Variants in KCNN2 observed in about 807,000 individuals in gnomAD.
KCNN2 encodes the protein small conductance calcium-activated potassium channel protein 2.
A neutral mutation model predicts 55.5 loss-of-function variants in KCNN2; 24 were observed. The observed-to-expected ratio is 0.43, with a 90% confidence interval of 0.31 to 0.61. KCNN2 has a LOEUF of 0.61. KCNN2 is among the 20% of genes least tolerant of loss of function. The pLI, the probability that KCNN2 is intolerant of heterozygous loss-of-function variation, is 0.08. For missense variants in KCNN2, 754 were observed against 853.6 expected (o/e 0.88, Z 1.45); for synonymous variants, 431 against 336.1 (o/e 1.28, Z -3.09).
chr5:114,384,685 G>A (rs1171411092), intron 2 of KCNN2, among the ~76,000 whole-genome samples: 1 of 152,108 alleles, frequency 6.6e-6, no homozygotes, highest in African/African-American at 2.4e-5. Flanking sequence ...AATTGCATAC[G>A]ACCAGTAGGT....
At chr5:114,312,424 CACACACACACATATATATATATATATAT>C (rs1313599072) in intron 2 of KCNN2, among the ~76,000 whole-genome samples, 2 of 60,232 alleles carry the variant, frequency 3.3e-5, no homozygotes, top group Non-Finnish European at 3.0e-5. Flanking sequence ...CACACACACA[CACACACACACATATATATATATATATAT>C]ATATATATAT....
At chr5:114,288,055 C>G (rs1250384075) in intron 2 of KCNN2, among the ~76,000 whole-genome samples, 2 of 152,194 alleles carry the variant, frequency 1.3e-5, no homozygotes, top group Non-Finnish European at 2.9e-5. Context: ...CAGTAACCTG[C>G]TTTCTGTCAT....
At chr5:114,302,448 A>G (rs1488220168) in intron 2 of KCNN2, among the ~76,000 whole-genome samples, 1 of 152,180 alleles carries the variant, frequency 6.6e-6, no homozygotes, top group African/African-American at 2.4e-5. Context: ...GAAATTCTCC[A>G]TCTAGTAGGA....
chr5:114,077,801 T>A (rs987293896), intron 1 of KCNN2, among the ~76,000 whole-genome samples: 1 of 152,126 alleles, frequency 6.6e-6, no homozygotes, highest in African/African-American at 2.4e-5. Context: ...CTCTGTCCCG[T>A]CTAGGGGAAA....
chr5:114,153,507 C>T (rs1279397276), intron 1 of KCNN2, among the ~76,000 whole-genome samples: 1 of 152,148 alleles, frequency 6.6e-6, no homozygotes, highest in Non-Finnish European at 1.5e-5. Context: ...AAAACTGTAT[C>T]ACTTACAGCA....
At chr5:114,145,987 G>A (rs772713343) in intron 1 of KCNN2, among the ~76,000 whole-genome samples, 13 of 151,970 alleles carry the variant, frequency 8.6e-5, no homozygotes, top group South Asian at 2.1e-4. Flanking sequence ...TCTCTGTCTC[G>A]TTGTTGCATG....
intron 1 of KCNN2, among the ~76,000 whole-genome samples, chr5:114,176,329 T>G (rs945377820): frequency 2.0e-5 from 3 of 152,214 alleles, no homozygotes; most frequent in East Asian, 3.8e-4. Context: ...CATAAGTTTT[T>G]TTTTGGTATT....
intron 3 of KCNN2, chr5:114,433,710 C>G (rs1030744256): frequency 3.3e-5 from 5 of 152,388 alleles, no homozygotes; most frequent in African/African-American, 1.2e-4. Context: ...CCAGATGCAC[C>G]GCCTTAAGAG....
chr5:114,463,595 T>G (rs1761308389), intron 4 of KCNN2, among the ~76,000 whole-genome samples: 1 of 152,308 alleles, frequency 6.6e-6, no homozygotes, highest in Non-Finnish European at 1.5e-5. Context: ...ATATTAATTA[T>G]AATATTTATT....
chr5:114,129,235 A>G lies in KCNN2; in HGVS notation c.-271+72735A>G, dbSNP rs115931282. On this transcript the variant is annotated intron_variant, in intron 1 of 10. Transcript: ENST00000512097. The stretch of plus-strand genomic sequence containing the variant: ...TTAACTCCTGCTGTAGCTTTCCATT[A>G]GCCAAACCCAGCTGGTATCCAAAGT... Among the ~76,000 whole-genome samples the G allele has an allele frequency of 4.2e-3, 633 of 152,322 alleles. 3 individuals are homozygous for G. Among genetic ancestry groups the G allele is most frequent in the Middle Eastern group, 0.024 (7 of 294 alleles).
intron 2 of KCNN2, among the ~76,000 whole-genome samples, chr5:114,381,351 C>T (rs1322599784): frequency 6.6e-6 from 1 of 151,926 alleles, no homozygotes; most frequent in African/African-American, 2.4e-5. Context: ...TTTTTTTTAG[C>T]TGTATTGAAA....
chr5:114,482,910 G>A (rs1278714021), intron 5 of KCNN2, among the ~76,000 whole-genome samples: 1 of 152,114 alleles, frequency 6.6e-6, no homozygotes, highest in Non-Finnish European at 1.5e-5. Context: ...AGAGCATCAG[G>A]AAGAATAGCT....
chr5:114,292,511 G>A (rs1561558365), intron 2 of KCNN2, among the ~76,000 whole-genome samples: 1 of 152,146 alleles, frequency 6.6e-6, no homozygotes, highest in Non-Finnish European at 1.5e-5. Flanking sequence ...TAGATATGTG[G>A]CATTATTTCT....
chr5:114,367,915 T>C (rs1757650079), intron 2 of KCNN2, among the ~76,000 whole-genome samples: 1 of 152,220 alleles, frequency 6.6e-6, no homozygotes, highest in African/African-American at 2.4e-5. Context: ...GCCTGATCTT[T>C]CTGGTTCTCA....
At chr5:114,123,225 G>T (rs1199232631) in intron 1 of KCNN2, among the ~76,000 whole-genome samples, 5 of 152,016 alleles carry the variant, frequency 3.3e-5, no homozygotes, top group African/African-American at 1.2e-4. Context: ...ACTCACATTT[G>T]CTGCTGTATT....
Position 114,373,917 on chromosome 5 carries a change from T to G in KCNN2, c.1218+9916T>G, listed in dbSNP as rs1289855365. 2.0e-5 allele frequency among the ~76,000 whole-genome samples: 3 copies of G among 151,754 alleles called. No homozygotes were observed. The East Asian group carries it at 5.9e-4, about 30-fold the overall frequency. On this transcript the variant is annotated intron_variant, in intron 2 of 7. Coordinates refer to ENST00000673685, the MANE Select transcript of KCNN2 (RefSeq NM_021614.4). Reference sequence around the variant, plus strand: ...GGGTGTGTGTGCAAGCACATGCATATTTTTAAGTGAAAGCATTTGCTGTCT... The same window carrying G: ...GGGTGTGTGTGCAAGCACATGCATAGTTTTAAGTGAAAGCATTTGCTGTCT...
intron 5 of KCNN2, among the ~76,000 whole-genome samples, chr5:114,486,506 T>G (rs1176010600): frequency 6.6e-6 from 1 of 152,164 alleles, no homozygotes; most frequent in Non-Finnish European, 1.5e-5. Flanking sequence ...TAACGTAGAC[T>G]CCGTCAGTTA....
intron 2 of KCNN2, among the ~76,000 whole-genome samples, chr5:114,314,793 A>G (rs565854038): frequency 6.6e-6 from 1 of 152,268 alleles, no homozygotes; most frequent in East Asian, 1.9e-4. Flanking sequence ...CTTCTTGCAC[A>G]TTACACTTTG....
At chr5:114,078,050 A>G (rs1452619404) in intron 1 of KCNN2, among the ~76,000 whole-genome samples, 8 of 152,346 alleles carry the variant, frequency 5.3e-5, no homozygotes, top group Non-Finnish European at 8.8e-5. Flanking sequence ...AACGATCAGT[A>G]CAGTTATGTT....
Sources: gnomAD v4.1 joint callset for allele counts (sites outside exome capture counted in the v4.1 genomes callset) on GRCh38, gnomAD v4.1.1 for gene constraint, MANE v1.5 for transcripts, NCBI Gene and HGNC (gene_info 2026-07-23, HGNC 2026-07-21) for gene names.